The following MTHFSD variants were observed in gnomAD, a reference collection of about 807,000 sequenced individuals.
MTHFSD encodes the protein methenyltetrahydrofolate synthase domain-containing protein.
Under a neutral mutation model 31.1 loss-of-function variants are expected in MTHFSD, and 37 were observed. The ratio of observed to expected loss-of-function variants is 1.19; its 90% confidence interval spans 0.91 to 1.56. MTHFSD has a LOEUF of 1.56. Ranked by LOEUF, MTHFSD falls within the 40% of genes most tolerant of loss-of-function variation. The pLI, the probability that MTHFSD is intolerant of heterozygous loss-of-function variation, is 0.00. For synonymous variants in MTHFSD, 221 were observed against 206.9 expected, an observed-to-expected ratio of 1.07 and a Z score of -0.59; for missense variants, 664 against 510.1, an observed-to-expected ratio of 1.30 and a Z score of -2.91.
chr16:86,543,133 G>A (rs1025468404), intron 5 of MTHFSD, among the ~76,000 whole-genome samples: 5 of 152,250 alleles, frequency 3.3e-5, no homozygotes, highest in African/African-American at 1.2e-4. Flanking sequence ...GAAAATGACA[G>A]GCAGATAAGC....
rs1973849704 is a variant in MTHFSD at position 86,554,885 on chromosome 16, C to T, written c.17-134G>A. ...CGATCCTGTTCCTGAGCCTCAGTTTCCCCGACCTCAAGGGGCCCACGGGCT... is the reference window on the plus strand; with the variant it reads ...CGATCCTGTTCCTGAGCCTCAGTTTTCCCGACCTCAAGGGGCCCACGGGCT... On this transcript the variant is annotated intron_variant, in intron 1 of 7. Coordinates refer to ENST00000360900, the MANE Select transcript of MTHFSD (RefSeq NM_001159377.2). 8 of 1,055,054 alleles carry T rather than the reference C, an allele frequency of 7.6e-6. No homozygotes were observed. In the East Asian group the frequency reaches 1.3e-4, roughly 17 times the overall value. 65.4% of individuals were successfully genotyped at this position (1,055,054 alleles called of 1,614,324 possible).
At chr16:86,539,545 G>T (rs2143524168) in intron 7 of MTHFSD, among the ~76,000 whole-genome samples, 1 of 152,294 alleles carries the variant, frequency 6.6e-6, no homozygotes, top group South Asian at 2.1e-4. Context: ...TACAGATAGA[G>T]CTATGAAGTG....
At chr16:86,544,618 T>A (rs1972010755) in intron 5 of MTHFSD, among the ~76,000 whole-genome samples, 1 of 152,194 alleles carries the variant, frequency 6.6e-6, no homozygotes, top group African/African-American at 2.4e-5. Context: ...GGAAGGTAAA[T>A]TAATTCAACC....
rs759311695 is a variant in MTHFSD at position 86,532,113 on chromosome 16, C to A, written c.1050G>T (p.Pro350=). 1.9e-6 allele frequency: 3 copies of A among 1,543,638 alleles called. No individual in the cohort carries two copies. Among genetic ancestry groups the A allele is most frequent in the Non-Finnish European group, 2.6e-6 (3 of 1,143,996 alleles). Residue 350 remains proline (P), a synonymous_variant, in exon 8 of 8, where the codon CCG becomes CCT. Coordinates refer to ENST00000360900, the MANE Select transcript of MTHFSD (RefSeq NM_001159377.2). Reference sequence around the variant, plus strand: ...CGGCCTGCTGGGCTGCGGCAGAGTCCGGGTAATGGAGGAAGGCTCTGCGCC... The same window carrying A: ...CGGCCTGCTGGGCTGCGGCAGAGTCAGGGTAATGGAGGAAGGCTCTGCGCC... ...GPRRRAFLHY[P]DSAAAQQAVS...
chr16:86,535,299 TCA>T, intron 7 of MTHFSD: 1 of 985,370 alleles, frequency 1.0e-6, no homozygotes, highest in Non-Finnish European at 1.2e-6. Flanking sequence ...TGACAAGGCT[TCA>T]CATCAGCTCC....
intron 3 of MTHFSD, among the ~76,000 whole-genome samples, chr16:86,550,618 T>G (rs1230401651): frequency 6.6e-6 from 1 of 152,180 alleles, no homozygotes; most frequent in Non-Finnish European, 1.5e-5. Context: ...GCTCCCATAG[T>G]AGTAGAGAAC....
rs1971643037 is a variant in MTHFSD at position 86,542,315 on chromosome 16, T to C, written c.443-102A>G. On this transcript the variant is annotated intron_variant, in intron 5 of 7. Transcript: ENST00000360900. The surrounding 1 kb of genome is among the most constrained non-coding windows in gnomAD (Gnocchi z 4.6). ...TGGAAGAAGAAACTTGAACCCAATA[T>C]CCCGAGCTAATCTATAGAAATTTTC... 1 of 958,362 alleles carries C rather than the reference T, an allele frequency of 1.0e-6. No individual in the cohort carries two copies. The highest frequency in any genetic ancestry group is 1.5e-6 in the Non-Finnish European group (1 of 646,100). 59.4% of individuals were successfully genotyped at this position (958,362 alleles called of 1,614,324 possible).
In MTHFSD at chr16:86,548,475, C is replaced by A. The variant is rs776756423; in HGVS notation, c.340G>T (p.Ala114Ser). The A allele has an allele frequency of 6.2e-7, 1 of 1,613,382 alleles. No homozygotes were observed. Among genetic ancestry groups the A allele is most frequent in the Admixed American group, 1.7e-5 (1 of 59,908 alleles). Reference sequence around the variant, plus strand: ...CTTCTGGTACTTACCTGAGAGGTGGCACATTTTCTCAAGATGTCTTTAGTT... The same window carrying A: ...CTTCTGGTACTTACCTGAGAGGTGGAACATTTTCTCAAGATGTCTTTAGTT... ...GATKDILRKC[A>S]TSQGVRNYSV... Residue 114 changes from alanine (A) to serine (S), a missense_variant, in exon 4 of 8, where the codon GCC becomes TCC. Physicochemically the swap from Ala to Ser is moderately conservative, Grantham distance 99 (BLOSUM62 1). Transcript: ENST00000360900.
At chr16:86,551,307 G>T (rs1172316652) in intron 3 of MTHFSD, among the ~76,000 whole-genome samples, 2 of 152,108 alleles carry the variant, frequency 1.3e-5, no homozygotes, top group African/African-American at 4.8e-5. Context: ...TTCAGTTGAG[G>T]AACAAGTGCT....
intron 7 of MTHFSD, 117 bp from the exon 8 acceptor site, chr16:86,532,598 G>A: frequency 2.6e-6 from 2 of 777,434 alleles, no homozygotes; most frequent in East Asian, 6.5e-5. Flanking sequence ...GATGCCAAGT[G>A]GTCTGAGCCC....
At chr16:86,548,100 C>T in intron 4 of MTHFSD, 1 of 1,293,928 alleles carries the variant, frequency 7.7e-7, no homozygotes, top group Non-Finnish European at 1.0e-6. Context: ...TCCCCAGTCG[C>T]TCTGGTGGCA....
rs181173527 is a variant in MTHFSD at position 86,554,174 on chromosome 16, C to G, written c.123+471G>C. ...CTTTGCAATAAATCTTGCTGCTGCT[C>G]ATTCTTTGAGTCCACCCTGCCTTTG... On this transcript the variant is annotated intron_variant, in intron 2 of 7. Coordinates refer to ENST00000360900, the MANE Select transcript of MTHFSD (RefSeq NM_001159377.2). Among the ~76,000 whole-genome samples, 126 of 152,248 alleles carry G rather than the reference C, an allele frequency of 8.3e-4. 1 individual carries two copies. The highest frequency in any genetic ancestry group is 2.8e-3 in the African/African-American group (118 of 41,522).
rs778230840 is a variant in MTHFSD at position 86,555,177 on chromosome 16, G to T, written c.8C>A (p.Pro3Gln). 2.0e-6 allele frequency: 3 copies of T among 1,536,820 alleles called. No homozygotes were observed. Among genetic ancestry groups the T allele is most frequent in the Non-Finnish European group, 1.7e-6 (2 of 1,146,446 alleles). The stretch of plus-strand genomic sequence containing the variant: ...CCCGCCAGGCCCCCCACCTGCCCTC[G>T]GCTCCATGGTGATGCAGTCGCTGTG... ME[P>Q]RAVGVSKQDI... Residue 3 changes from proline (P) to glutamine (Q), a missense_variant, in exon 1 of 8, where the codon CCG (proline) becomes CAG (glutamine). Physicochemically the swap from Pro to Gln is moderately conservative, Grantham distance 76. Transcript: ENST00000360900.
chr16:86,546,437 G>T (rs1972318764), intron 5 of MTHFSD, 122 bp downstream of exon 5: 1 of 838,552 alleles, frequency 1.2e-6, no homozygotes, highest in South Asian at 1.4e-5. Context: ...CGGCTTCGGA[G>T]ACCAGGTAAG....
At chr16:86,538,016 A>G (rs1054140036) in intron 7 of MTHFSD, among the ~76,000 whole-genome samples, 2 of 152,212 alleles carry the variant, frequency 1.3e-5, no homozygotes, top group African/African-American at 4.8e-5. Flanking sequence ...TGTGACTGAC[A>G]GTCCTTCCAC....
chr16:86,542,149 G>A lies in MTHFSD; in HGVS notation c.507C>T (p.Gly169=), dbSNP rs374156480. ...DLEYAMMVSM[G]AVSKETPVVT... is the part of the protein sequence containing the mutation. ...CCACCGGCGTCTCCTTGCTGACGGC[G>A]CCCATGGATACCATCATGGCATATT... is the stretch of plus-strand genomic sequence containing the variant. The change falls in exon 6 of 8, where the codon GGC becomes GGT. Residue 169 remains glycine, a synonymous_variant. Coordinates refer to ENST00000360900, the MANE Select transcript of MTHFSD (RefSeq NM_001159377.2). The surrounding 1 kb of genome is among the most constrained non-coding windows in gnomAD (Gnocchi z 4.6). The A allele has an allele frequency of 6.2e-5, 100 of 1,613,628 alleles. No homozygotes were observed. The highest frequency in any genetic ancestry group is 8.2e-5 in the Non-Finnish European group (97 of 1,180,010).
chr16:86,553,045 G>A (rs1973408406), intron 2 of MTHFSD, among the ~76,000 whole-genome samples: 1 of 151,490 alleles, frequency 6.6e-6, no homozygotes, highest in African/African-American at 2.4e-5. Context: ...CTTACATTTT[G>A]ATCAGCTGGG....
chr16:86,539,955 C>A (rs1406366941), intron 7 of MTHFSD, among the ~76,000 whole-genome samples: 1 of 152,144 alleles, frequency 6.6e-6, no homozygotes, highest in Non-Finnish European at 1.5e-5. Flanking sequence ...ACTATAATAT[C>A]ATGGAGAGGT....
intron 3 of MTHFSD, 74 bp downstream of exon 3, chr16:86,551,959 C>A: frequency 6.3e-7 from 1 of 1,596,676 alleles, no homozygotes; most frequent in South Asian, 1.1e-5. Flanking sequence ...CAGACGTGTG[C>A]ACTGACCAGC....
Sources: allele counts gnomAD v4.1 joint callset (sites outside exome capture counted in the v4.1 genomes callset), GRCh38; gene constraint gnomAD v4.1.1; non-coding constraint Gnocchi (gnomAD v3.1); transcripts MANE v1.5; gene names NCBI Gene and HGNC (gene_info 2026-07-23, HGNC 2026-07-21).